RGS6: variants seen among roughly 807,000 people sequenced by gnomAD.
RGS6 encodes regulator of G-protein signaling 6.
RGS6 carries 30 observed loss-of-function variants against 78.5 expected under a neutral mutation model. The observed-to-expected ratio is 0.38, with a 90% CI of 0.29 to 0.52. The LOEUF is 0.52. Ranked by LOEUF, RGS6 falls within the 20% of genes least tolerant of loss-of-function variation. The pLI is 0.85. For synonymous variants in RGS6, 206 were observed against 206.0 expected (o/e 1.00, Z 0.00); for missense variants, 495 against 609.7 (o/e 0.81, Z 1.98).
intron 3 of RGS6, chr14:72,420,911 T>G (rs2094140150): frequency 6.6e-6 from 1 of 152,202 alleles, no homozygotes; most frequent in Non-Finnish European, 1.5e-5. Flanking sequence ...TGCAGAAGCC[T>G]TGTGGCTTTC....
chr14:72,300,000 CT>C (rs2065715339), intron 2 of RGS6, among the ~76,000 whole-genome samples: 1 of 151,886 alleles, frequency 6.6e-6, no homozygotes, highest in African/African-American at 2.4e-5. Context: ...TTCATTTCTC[CT>C]TTTTACTACT....
At chr14:72,255,749 T>C (rs1487807409) in intron 2 of RGS6, among the ~76,000 whole-genome samples, 2 of 152,242 alleles carry the variant, frequency 1.3e-5, no homozygotes, top group Non-Finnish European at 2.9e-5. Context: ...ACTTTATATA[T>C]GAAAGAGCAT....
intron 15 of RGS6, among the ~76,000 whole-genome samples, chr14:72,524,730 CT>C (rs142824656): frequency 1.3e-5 from 2 of 151,396 alleles, no homozygotes; most frequent in East Asian, 1.9e-4. Context: ...GCCCAGATGG[CT>C]TTTTTTTTGC....
At chr14:72,236,653 C>T (rs847278) in intron 2 of RGS6, among the ~76,000 whole-genome samples, 50,727 of 152,116 alleles carry the variant, frequency 0.33, 9,415 homozygotes, top group South Asian at 0.46. Context: ...CGGGCAGAGG[C>T]GCTCCTCACA....
At chr14:72,266,674 G>A (rs1286131261) in intron 2 of RGS6, among the ~76,000 whole-genome samples, 1 of 152,216 alleles carries the variant, frequency 6.6e-6, no homozygotes, top group Admixed American at 6.5e-5. Flanking sequence ...GGTTTTTGCA[G>A]CAATGTGGGG....
chr14:72,420,022 G>A (rs995919315), intron 3 of RGS6, among the ~76,000 whole-genome samples: 1 of 152,228 alleles, frequency 6.6e-6, no homozygotes, highest in Non-Finnish European at 1.5e-5. Context: ...GGAGGTGTTT[G>A]TCAGAATCAG....
intron 2 of RGS6, among the ~76,000 whole-genome samples, chr14:72,254,328 G>C (rs1193892354): frequency 6.6e-6 from 1 of 152,302 alleles, no homozygotes; most frequent in South Asian, 2.1e-4. Flanking sequence ...GACAGTGCAG[G>C]TTCATTGAAG....
intron 3 of RGS6, among the ~76,000 whole-genome samples, chr14:72,372,656 A>C (rs539854834): frequency 1.3e-5 from 2 of 152,306 alleles, no homozygotes; most frequent in Admixed American, 6.5e-5. Flanking sequence ...CACAGTTCAT[A>C]GGTTTTCCTA....
At chr14:72,387,205 T>G (rs1430471187) in intron 3 of RGS6, among the ~76,000 whole-genome samples, 2 of 152,102 alleles carry the variant, frequency 1.3e-5, no homozygotes, top group Non-Finnish European at 2.9e-5. Context: ...TTTTTGCAGA[T>G]GTATATAATT....
chr14:71,902,697 C>A, the RGS6 span, among the ~76,000 whole-genome samples: 3 of 151,868 alleles, frequency 2.0e-5, no homozygotes, highest in Non-Finnish European at 4.4e-5. Context: ...TGCTTCTGGG[C>A]CATGTTATAA....
chr14:72,478,263 C>G lies in RGS6; in HGVS notation c.793-5C>G, dbSNP rs2096286735. On this transcript the variant is annotated splice_region_variant and splice_polypyrimidine_tract_variant and intron_variant, in intron 11 of 17. Transcript: ENST00000553525. ...TCTTAACATCTGTGTTCTCTATTTTCCCAGATAACATTTTTGAACGCACAG... is the reference window on the plus strand; with the variant it reads ...TCTTAACATCTGTGTTCTCTATTTTGCCAGATAACATTTTTGAACGCACAG... 4 of 1,609,110 alleles carry G rather than the reference C, an allele frequency of 2.5e-6. No individual in the cohort carries two copies. Among genetic ancestry groups the G allele is most frequent in the Non-Finnish European group, 3.4e-6 (4 of 1,175,928 alleles).
intron 2 of RGS6, among the ~76,000 whole-genome samples, chr14:72,059,610 G>T (rs1185895796): frequency 6.6e-6 from 1 of 152,158 alleles, no homozygotes; most frequent in Admixed American, 6.5e-5. Context: ...TCTTGTTATG[G>T]ATGGAATGCC....
intron 2 of RGS6, among the ~76,000 whole-genome samples, chr14:72,349,173 A>G (rs1034383406): frequency 1.3e-5 from 2 of 152,182 alleles, no homozygotes; most frequent in African/African-American, 2.4e-5. Context: ...CTCAAAAAAT[A>G]TATATAAAAT....
intron 2 of RGS6, among the ~76,000 whole-genome samples, chr14:71,989,040 A>G (rs2094843050): frequency 6.6e-6 from 1 of 152,208 alleles, no homozygotes; most frequent in African/African-American, 2.4e-5. Context: ...TCCCACTAGG[A>G]TATTCCACTT....
At chr14:71,982,088 G>A (rs1156657655) in intron 2 of RGS6, among the ~76,000 whole-genome samples, 1 of 152,214 alleles carries the variant, frequency 6.6e-6, no homozygotes, top group Non-Finnish European at 1.5e-5. Flanking sequence ...ACTAGGAAAG[G>A]GAACTCCCTG....
chr14:72,049,999 G>A lies in RGS6; in HGVS notation c.84+85124G>A, dbSNP rs192320024. On this transcript the variant is annotated intron_variant, in intron 2 of 17. Transcript: ENST00000553525. ...TGACCAGCTAGATGATTTTGATGCA[G>A]TAAAGACAAGTTAAGAAAATTTGTC... Among the ~76,000 whole-genome samples, 22 of 152,200 alleles carry A rather than the reference G, an allele frequency of 1.4e-4. 1 individual carries two copies. The highest frequency in any genetic ancestry group is 5.1e-4 in the African/African-American group (21 of 41,530).
intron 2 of RGS6, among the ~76,000 whole-genome samples, chr14:72,209,528 A>G (rs2043534415): frequency 6.6e-6 from 1 of 152,178 alleles, no homozygotes; most frequent in Non-Finnish European, 1.5e-5. Flanking sequence ...CAGCCACTTA[A>G]TTAGCTGGGG....
intron 1 of RGS6, among the ~76,000 whole-genome samples, chr14:71,957,841 G>T (rs972104081): frequency 6.6e-6 from 1 of 152,038 alleles, no homozygotes; most frequent in Non-Finnish European, 1.5e-5. Context: ...TCATAGCTCA[G>T]TGTAGCCTCC....
intron 2 of RGS6, among the ~76,000 whole-genome samples, chr14:72,001,777 C>T (rs186202900): frequency 6.6e-6 from 1 of 151,824 alleles, no homozygotes; most frequent in African/African-American, 2.4e-5. Flanking sequence ...AGTTGTTTTG[C>T]ACCTAAAGGG....
Sources: gnomAD v4.1 joint callset for allele counts (sites outside exome capture counted in the v4.1 genomes callset) on GRCh38, gnomAD v4.1.1 for gene constraint, MANE v1.5 for transcripts, NCBI Gene and HGNC (gene_info 2026-07-23, HGNC 2026-07-21) for gene names.